The following NPAS2 variants were observed in gnomAD, a reference collection of about 807,000 sequenced individuals.
NPAS2 encodes the protein neuronal PAS domain protein 2.
A neutral mutation model predicts 107.5 loss-of-function variants in NPAS2; 23 were observed. The observed-to-expected ratio is 0.21, with a 90% CI of 0.15 to 0.30. NPAS2 has a LOEUF of 0.30. Ranked by LOEUF, NPAS2 falls within the 10% of genes least tolerant of loss-of-function variation. The probability of loss-of-function intolerance (pLI) is 1.00; values close to 1 mark genes in which losing one functional copy is unlikely to be tolerated. For synonymous variants in NPAS2, 403 were observed against 417.5 expected (o/e 0.97, Z 0.42); for missense variants, 756 against 1,043.3 (o/e 0.72, Z 3.79).
upstream of NPAS2, among the ~76,000 whole-genome samples, chr2:100,818,737 A>G (rs1186670286): frequency 6.6e-6 from 1 of 152,228 alleles, no homozygotes; most frequent in African/African-American, 2.4e-5. Context: ...GCCGGAATGT[A>G]AGAGGGACGG....
intron 3 of NPAS2, among the ~76,000 whole-genome samples, chr2:100,929,976 A>T (rs1683833693): frequency 6.6e-6 from 1 of 152,232 alleles, no homozygotes; most frequent in Non-Finnish European, 1.5e-5. Flanking sequence ...CTGTACACTT[A>T]TTCTCTCTGA....
At chr2:100,914,796 C>T (rs1682768779) in intron 2 of NPAS2, among the ~76,000 whole-genome samples, 1 of 152,182 alleles carries the variant, frequency 6.6e-6, no homozygotes, top group African/African-American at 2.4e-5. Context: ...CTACTCCGTC[C>T]TGTCCATCAC....
chr2:100,961,286 A>G (rs1573728869), intron 7 of NPAS2, among the ~76,000 whole-genome samples: 1 of 152,230 alleles, frequency 6.6e-6, no homozygotes, highest in African/African-American at 2.4e-5. Flanking sequence ...AGAATATGCA[A>G]GAAGACTCGT....
At chr2:100,946,280 A>G (rs553921053) in intron 5 of NPAS2, among the ~76,000 whole-genome samples, 38 of 151,250 alleles carry the variant, frequency 2.5e-4, no homozygotes, top group South Asian at 1.3e-3. Context: ...CTGAGCTCTC[A>G]CGCCTTGCCA....
chr2:100,934,090 A>T (rs924589128), intron 4 of NPAS2: 4 of 152,246 alleles, frequency 2.6e-5, no homozygotes, highest in Non-Finnish European at 5.9e-5. Context: ...AAGATGAAAG[A>T]TACTTAAATC....
At chr2:100,944,128 C>T (rs1382429564) in intron 5 of NPAS2, among the ~76,000 whole-genome samples, 2 of 152,200 alleles carry the variant, frequency 1.3e-5, no homozygotes, top group Non-Finnish European at 2.9e-5. Context: ...CTAAGTGGAT[C>T]AAATATGCCT....
intron 1 of NPAS2, among the ~76,000 whole-genome samples, chr2:100,891,814 C>A (rs1453329121): frequency 6.6e-6 from 1 of 152,206 alleles, no homozygotes; most frequent in Non-Finnish European, 1.5e-5. Flanking sequence ...TCTCTCCTTG[C>A]AAACTTGAGC....
chr2:100,980,452 T>A (rs776476419), intron 15 of NPAS2, among the ~76,000 whole-genome samples: 9 of 152,114 alleles, frequency 5.9e-5, no homozygotes, highest in African/African-American at 9.7e-5. Context: ...GGGTTTTTTT[T>A]AATTTTTGTT....
At chr2:100,852,230 C>A (rs202101034) in intron 1 of NPAS2, among the ~76,000 whole-genome samples, 2,165 of 151,762 alleles carry the variant, frequency 0.014, 70 homozygotes, top group East Asian at 0.14. Flanking sequence ...CCCCGTCTCT[C>A]CTAAAAAATA....
intron 2 of NPAS2, among the ~76,000 whole-genome samples, chr2:100,908,370 C>A (rs966743338): frequency 5.9e-5 from 9 of 152,102 alleles, no homozygotes; most frequent in Non-Finnish European, 1.3e-4. Context: ...TACAACACCT[C>A]CTCACAAAAT....
intron 7 of NPAS2, among the ~76,000 whole-genome samples, chr2:100,963,577 G>C (rs942830656): frequency 3.3e-5 from 5 of 151,914 alleles, no homozygotes; most frequent in African/African-American, 1.2e-4. Flanking sequence ...TTTTGTTTTT[G>C]TTTGTTTGTT....
intron 1 of NPAS2, among the ~76,000 whole-genome samples, chr2:100,829,497 A>G (rs755472377): frequency 2.6e-5 from 4 of 152,150 alleles, no homozygotes; most frequent in Admixed American, 6.5e-5. Context: ...ATTTTTGCAC[A>G]TTGATTTTGT....
chr2:100,943,859 T>G (rs558061198), intron 5 of NPAS2, among the ~76,000 whole-genome samples: 2 of 152,326 alleles, frequency 1.3e-5, no homozygotes, highest in African/African-American at 2.4e-5. Flanking sequence ...TTTTACCAGA[T>G]GCCAAGGCAG....
intron 1 of NPAS2, among the ~76,000 whole-genome samples, chr2:100,900,227 A>C (rs1681684723): frequency 6.6e-6 from 1 of 152,222 alleles, no homozygotes; most frequent in Non-Finnish European, 1.5e-5. Flanking sequence ...CCTGGTAGAG[A>C]TAAACTTCTA....
chr2:100,989,250 C>T (rs114029208), intron 17 of NPAS2: 3,094 of 154,392 alleles, frequency 0.02, 110 homozygotes, highest in African/African-American at 0.071. Flanking sequence ...TTCACCAAGA[C>T]CCAGGGGAAC....
chr2:100,828,714 G>A (rs1313915811), intron 1 of NPAS2, among the ~76,000 whole-genome samples: 1 of 152,126 alleles, frequency 6.6e-6, no homozygotes, highest in African/African-American at 2.4e-5. Flanking sequence ...GCAGGTGTGT[G>A]GCTTTATTTC....
rs181626030 is a variant in NPAS2 at position 100,959,052 on chromosome 2, A to C, written c.599-5006A>C. Among the ~76,000 whole-genome samples, 709 of 148,190 alleles carry C rather than the reference A, an allele frequency of 4.8e-3. 24 individuals carry two copies. The highest frequency in any genetic ancestry group is 0.044 in the Admixed American group (645 of 14,622). On this transcript the variant is annotated intron_variant, in intron 7 of 20. Coordinates refer to ENST00000335681, the MANE Select transcript of NPAS2 (RefSeq NM_002518.4). Reference sequence around the variant, plus strand: ...TAGATAATTTGAGCTCAGGAGTTTGAGACCAGCCTGGGCAACATGGTGAAA... The same window carrying C: ...TAGATAATTTGAGCTCAGGAGTTTGCGACCAGCCTGGGCAACATGGTGAAA...
chr2:100,835,179 T>TTTTCC (rs146459047), intron 1 of NPAS2, among the ~76,000 whole-genome samples: 6,725 of 152,248 alleles, frequency 0.044, 408 homozygotes, highest in East Asian at 0.31. Context: ...GCTCTTCCCA[T>TTTTCC]TTTCCATACA....
At chr2:100,886,532 A>G (rs1680711697) in intron 1 of NPAS2, among the ~76,000 whole-genome samples, 1 of 152,148 alleles carries the variant, frequency 6.6e-6, no homozygotes, top group African/African-American at 2.4e-5. Flanking sequence ...CAATTCATTG[A>G]GTTTTATGCT....
Sources: allele counts gnomAD v4.1 joint callset (sites outside exome capture counted in the v4.1 genomes callset), GRCh38; gene constraint gnomAD v4.1.1; transcripts MANE v1.5; gene names NCBI Gene and HGNC (gene_info 2026-07-23, HGNC 2026-07-21).